ARID5B: variants seen among roughly 807,000 people sequenced by gnomAD.
ARID5B encodes the protein AT-rich interaction domain 5B, also known as AT-rich interactive domain-containing protein 5B.
In ARID5B, 13 loss-of-function variants were observed where a neutral mutation model predicts 97.2. The ratio of observed to expected loss-of-function variants is 0.13; its 90% CI spans 0.09 to 0.21. ARID5B has a LOEUF of 0.21. Among genes scored for constraint, ARID5B ranks in the 10% least tolerant of loss-of-function variants. The pLI is 1.00. For missense variants in ARID5B, 1,210 were observed against 1,465.3 expected (o/e 0.83, Z 2.84); for synonymous variants, 556 against 570.3 (o/e 0.97, Z 0.36).
In ARID5B at chr10:62,091,251, C is replaced by T; in HGVS notation, c.1788C>T (p.Pro596=). 1 of 1,614,108 alleles carries T rather than the reference C, an allele frequency of 6.2e-7. No homozygotes were observed. Among genetic ancestry groups the T allele is most frequent in the Non-Finnish European group, 8.5e-7 (1 of 1,179,966 alleles). The change falls in exon 10 of 10, where the codon CCC becomes CCT. Residue 596 remains proline (P), a synonymous_variant. Coordinates refer to ENST00000279873, the MANE Select transcript of ARID5B (RefSeq NM_032199.3). The part of the protein sequence containing the change: ...PESEPQEASF[P]SFPTTQPPLA... Reference sequence around the variant, plus strand: ...GTGAACCCCAAGAAGCATCCTTCCCCAGCTTCCCCACCACACAGCCACCGC... The same window carrying T: ...GTGAACCCCAAGAAGCATCCTTCCCTAGCTTCCCCACCACACAGCCACCGC...
chr10:61,902,874 T>A (rs1275792227), intron 2 of ARID5B, among the ~76,000 whole-genome samples: 1 of 152,162 alleles, frequency 6.6e-6, no homozygotes, highest in African/African-American at 2.4e-5. Context: ...GTATTTGATA[T>A]GTTTAAGAGG....
intron 2 of ARID5B, among the ~76,000 whole-genome samples, chr10:61,902,697 G>C: frequency 6.7e-6 from 1 of 149,794 alleles, no homozygotes; most frequent in East Asian, 2.0e-4. Context: ...GTGTGTGTGT[G>C]TGTGTATGTG....
At chr10:61,939,615 A>G (rs1844363620) in intron 2 of ARID5B, among the ~76,000 whole-genome samples, 1 of 152,248 alleles carries the variant, frequency 6.6e-6, no homozygotes, top group African/African-American at 2.4e-5. Flanking sequence ...TGGGAAGCAC[A>G]TAACATTTAT....
intron 3 of ARID5B, among the ~76,000 whole-genome samples, chr10:61,954,089 T>C (rs948178599): frequency 1.1e-4 from 16 of 152,152 alleles, no homozygotes; most frequent in Non-Finnish European, 2.1e-4. Context: ...CCGGGCACGG[T>C]GGCTCATGCC....
At chr10:62,050,845 T>G (rs367642225) in intron 4 of ARID5B, 43 bp from the exon 5 acceptor site, 2 of 1,526,736 alleles carry the variant, frequency 1.3e-6, no homozygotes, top group East Asian at 2.3e-5. Flanking sequence ...AAGAAACCCA[T>G]GCAAGTGAAA....
chr10:61,937,124 G>A (rs1844318663), intron 2 of ARID5B, among the ~76,000 whole-genome samples: 1 of 152,190 alleles, frequency 6.6e-6, no homozygotes, highest in Non-Finnish European at 1.5e-5. Context: ...AATGTCTGGT[G>A]CCCACGGGGG....
rs147965353 is a variant in ARID5B at position 62,067,727 on chromosome 10, G to C, written c.1102-1973G>C. ...CCAGAAGACAACCATATGGATCCTA[G>C]TTTTGGTACTCTGCTGCTGTGTGTC... is the stretch of plus-strand genomic sequence containing the variant. On this transcript the variant is annotated intron_variant, in intron 7 of 9. Transcript: ENST00000279873. 4.1e-3 allele frequency among the ~76,000 whole-genome samples: 622 copies of C among 152,368 alleles called. 4 individuals carry two copies. The highest frequency in any genetic ancestry group is 0.014 in the African/African-American group (592 of 41,584).
intron 2 of ARID5B, among the ~76,000 whole-genome samples, chr10:61,902,767 T>A (rs963505553): frequency 4.6e-5 from 7 of 152,072 alleles, no homozygotes; most frequent in Non-Finnish European, 1.0e-4. Context: ...GCTTTTTATA[T>A]TTTTTGCCTT....
intron 3 of ARID5B, among the ~76,000 whole-genome samples, chr10:61,972,761 T>C (rs1474907599): frequency 6.6e-6 from 1 of 152,168 alleles, no homozygotes; most frequent in Non-Finnish European, 1.5e-5. Flanking sequence ...GATAAACTCC[T>C]AGAAGTGGAG....
At chr10:62,078,683 C>A (rs991060340) in intron 8 of ARID5B, among the ~76,000 whole-genome samples, 2 of 152,172 alleles carry the variant, frequency 1.3e-5, no homozygotes, top group Admixed American at 6.5e-5. Context: ...ATCAGCCTTC[C>A]TTAAGTCCAT....
At position 62,091,711 on chromosome 10, in the gene ARID5B, T is replaced by G; in HGVS notation, c.2248T>G (p.Ser750Ala). ...TGACCATATGGCGGTCAGCCGGCCA[T>G]CAGTGATTCAGCACGTCCAGAGTTT... ...STDHMAVSRP[S>A]VIQHVQSFRS... Residue 750 changes from serine to alanine, a missense_variant, in exon 10 of 10, where the codon TCA (serine) becomes GCA (alanine). By Grantham distance (99) the Ser-to-Ala change is moderately conservative. Transcript: ENST00000279873. The G allele has an allele frequency of 6.2e-7, 1 of 1,614,096 alleles. No individual in the cohort carries two copies. Among genetic ancestry groups the G allele is most frequent in the Non-Finnish European group, 8.5e-7 (1 of 1,180,032 alleles).
intron 8 of ARID5B, 21 bp from the exon 9 acceptor site, chr10:62,085,681 T>A (rs1050016363): frequency 1.9e-6 from 3 of 1,582,300 alleles, no homozygotes; most frequent in Non-Finnish European, 2.6e-6. Context: ...TGACCGATCA[T>A]CTCTTCTGTT....
At chr10:61,980,255 T>C (rs1838759301) in intron 3 of ARID5B, among the ~76,000 whole-genome samples, 1 of 152,176 alleles carries the variant, frequency 6.6e-6, no homozygotes, top group African/African-American at 2.4e-5. Context: ...AGTGCTGTCT[T>C]TACCTGGTCA....
At chr10:62,066,935 A>G (rs1027859731) in intron 7 of ARID5B, among the ~76,000 whole-genome samples, 5 of 152,118 alleles carry the variant, frequency 3.3e-5, no homozygotes, top group African/African-American at 1.2e-4. Context: ...TCTGCTTTTC[A>G]TTGTTGCATC....
chr10:62,003,578 G>A (rs1046434264), intron 4 of ARID5B, among the ~76,000 whole-genome samples: 5 of 152,120 alleles, frequency 3.3e-5, no homozygotes, highest in African/African-American at 1.2e-4. Context: ...TCTGCCTCTA[G>A]TCACTATCCT....
rs1840477084 is a variant in ARID5B at position 62,096,787 on chromosome 10, T to A, written c.*3757T>A. The A allele has an allele frequency of 4.3e-6, 1 of 233,524 alleles. No homozygotes were observed. Among genetic ancestry groups the A allele is most frequent in the African/African-American group, 2.2e-5 (1 of 45,354 alleles). The allele number at this position is 233,524 out of a possible 1,614,324, so 14.5% of individuals were successfully genotyped here. ...ACTACCAGAAGAATGCTGAGCCAAC[T>A]ATAAACACTCAATTTTGTATGTTTT... On this transcript the variant is annotated 3_prime_UTR_variant, in exon 10 of 10. Coordinates refer to ENST00000279873, the MANE Select transcript of ARID5B (RefSeq NM_032199.3).
intron 3 of ARID5B, among the ~76,000 whole-genome samples, chr10:61,993,506 T>A (rs950546829): frequency 2.6e-5 from 4 of 152,246 alleles, no homozygotes; most frequent in Non-Finnish European, 5.9e-5. Context: ...GAAAATTACC[T>A]TCCGAGAAAT....
At chr10:62,001,023 G>A (rs1011740471) in intron 4 of ARID5B, among the ~76,000 whole-genome samples, 8 of 152,172 alleles carry the variant, frequency 5.3e-5, no homozygotes, top group African/African-American at 1.9e-4. Context: ...TCTACATGTA[G>A]ACAGAAGGGG....
rs1394813993 is a variant in ARID5B at position 62,021,744 on chromosome 10, G to T, written c.733+21423G>T. On this transcript the variant is annotated intron_variant, in intron 4 of 9. Coordinates refer to ENST00000279873, the MANE Select transcript of ARID5B (RefSeq NM_032199.3). ...AGTTAATTTATTTCAGCGTTTCAAG[G>T]CATGAGTTGGAGCTGTGCAAACCCA... Among the ~76,000 whole-genome samples, 3 of 152,238 alleles carry T rather than the reference G, an allele frequency of 2.0e-5. No homozygotes were observed. The East Asian group carries it at 5.8e-4, about 29-fold the overall frequency.
Sources: allele counts gnomAD v4.1 joint callset (sites outside exome capture counted in the v4.1 genomes callset), GRCh38; gene constraint gnomAD v4.1.1; transcripts MANE v1.5; gene names NCBI Gene and HGNC (gene_info 2026-07-23, HGNC 2026-07-21).